PPP3CB: variants seen among roughly 807,000 people sequenced by gnomAD.
PPP3CB encodes the protein serine/threonine-protein phosphatase 2B catalytic subunit beta isoform.
PPP3CB carries 8 observed loss-of-function variants against 66.4 expected under a neutral mutation model. The ratio of observed to expected loss-of-function variants is 0.12; its 90% confidence interval spans 0.07 to 0.22. The LOEUF is 0.22. Ranked by LOEUF, PPP3CB falls within the 10% of genes least tolerant of loss-of-function variation. PPP3CB has a pLI of 1.00. For synonymous variants in PPP3CB, 208 were observed against 221.2 expected (o/e 0.94, Z 0.53); for missense variants, 319 against 642.5 (o/e 0.50, Z 5.44).
chr10:73,465,538 T>C (rs1037254464), intron 9 of PPP3CB, among the ~76,000 whole-genome samples: 9 of 152,098 alleles, frequency 5.9e-5, no homozygotes, highest in Non-Finnish European at 1.0e-4. Flanking sequence ...CTCTAGTCTG[T>C]GTGACAGAGC....
chr10:73,485,428 A>G (rs1019310190), intron 1 of PPP3CB, among the ~76,000 whole-genome samples: 10 of 152,300 alleles, frequency 6.6e-5, no homozygotes, highest in Non-Finnish European at 8.8e-5. Context: ...ATTCTAAGCA[A>G]GGACTGCCCT....
At chr10:73,457,352 C>T (rs372358905) in intron 9 of PPP3CB, among the ~76,000 whole-genome samples, 1 of 148,832 alleles carries the variant, frequency 6.7e-6, no homozygotes, top group Non-Finnish European at 1.5e-5. Context: ...GGTAAGACTG[C>T]CTGAGTCCAG....
intron 10 of PPP3CB, among the ~76,000 whole-genome samples, chr10:73,450,598 A>C (rs2056328717): frequency 6.6e-6 from 1 of 152,206 alleles, no homozygotes; most frequent in South Asian, 2.1e-4. Flanking sequence ...GAAAACAATG[A>C]AGAGTAATTG....
intron 9 of PPP3CB, among the ~76,000 whole-genome samples, chr10:73,459,011 G>A (rs372858328): frequency 2.3e-4 from 35 of 151,232 alleles, no homozygotes; most frequent in Middle Eastern, 3.5e-3. Flanking sequence ...CAGAGGTTGC[G>A]GTGAGCCGAG....
chr10:73,489,200 A>G (rs939689266), intron 1 of PPP3CB, among the ~76,000 whole-genome samples: 1 of 152,050 alleles, frequency 6.6e-6, no homozygotes, highest in Non-Finnish European at 1.5e-5. Flanking sequence ...CACTCATCCA[A>G]TATACTTACC....
At chr10:73,495,577 C>A in intron 1 of PPP3CB, 1 of 452,476 alleles carries the variant, frequency 2.2e-6, no homozygotes, top group Non-Finnish European at 3.5e-6. Context: ...TAGGAAGCCA[C>A]GGAAGCAAAA....
rs1377019190 is a variant in PPP3CB, at chr10:73,476,323, G to A, written c.412-1293C>T. Among the ~76,000 whole-genome samples the A allele has an allele frequency of 3.9e-5, 6 of 152,042 alleles. No homozygotes were observed. In the East Asian group the frequency reaches 1.2e-3, roughly 29 times the overall value. The stretch of plus-strand genomic sequence containing the variant: ...TTTTATAACAACAAAATGTATTAAA[G>A]GAGTCAGCTACATCCAGGCGCAGTG... On this transcript the variant is annotated intron_variant, in intron 3 of 13. Coordinates refer to ENST00000360663, the MANE Select transcript of PPP3CB (RefSeq NM_021132.4).
chr10:73,458,707 T>G (rs1462418045), intron 9 of PPP3CB, among the ~76,000 whole-genome samples: 8 of 150,614 alleles, frequency 5.3e-5, no homozygotes, highest in Non-Finnish European at 1.2e-4. Flanking sequence ...TATATTAAAA[T>G]GTATATTTAT....
At chr10:73,494,453 A>G (rs1184150761) in intron 1 of PPP3CB, among the ~76,000 whole-genome samples, 1 of 151,888 alleles carries the variant, frequency 6.6e-6, no homozygotes, top group Non-Finnish European at 1.5e-5. Context: ...ATGCCCGGCT[A>G]ATTTTTATTT....
chr10:73,495,746 C>T, intron 1 of PPP3CB, 59 bp downstream of exon 1: 1 of 1,534,006 alleles, frequency 6.5e-7, no homozygotes, highest in East Asian at 2.8e-5. Context: ...GTCTCCCGCC[C>T]GCCCTCACAC....
intron 9 of PPP3CB, among the ~76,000 whole-genome samples, chr10:73,459,798 A>T (rs906893744): frequency 6.6e-6 from 1 of 152,152 alleles, no homozygotes; most frequent in Non-Finnish European, 1.5e-5. Context: ...AGGGTTAGCA[A>T]GGGGGGTTAG....
At chr10:73,494,430 G>A (rs1020392240) in intron 1 of PPP3CB, among the ~76,000 whole-genome samples, 3 of 152,094 alleles carry the variant, frequency 2.0e-5, no homozygotes, top group African/African-American at 4.8e-5. Flanking sequence ...TGGGACTACA[G>A]GGGCGCGCCA....
At chr10:73,490,763 C>T (rs1045132752) in intron 1 of PPP3CB, among the ~76,000 whole-genome samples, 2 of 152,132 alleles carry the variant, frequency 1.3e-5, no homozygotes, top group African/African-American at 2.4e-5. Context: ...TCCCCTCACA[C>T]TCTTTTTCTC....
At position 73,494,292 on chromosome 10, in the gene PPP3CB, G is replaced by C. The variant is rs148101640; in HGVS notation, c.85+1513C>G. Among the ~76,000 whole-genome samples, 114 of 151,904 alleles carry C rather than the reference G, an allele frequency of 7.5e-4. 1 individual carries two copies. Among genetic ancestry groups the C allele is most frequent in the African/African-American group, 2.3e-3 (96 of 41,396 alleles). On this transcript the variant is annotated intron_variant, in intron 1 of 13. Transcript: ENST00000360663. ...AAATCAGTGTTTTGTTTTTGTTTTT[G>C]TTTTTGTTTTTGGAGACAGGGTCTG...
intron 9 of PPP3CB, among the ~76,000 whole-genome samples, chr10:73,457,339 T>C (rs2056445069): frequency 7.1e-6 from 1 of 140,440 alleles, no homozygotes; most frequent in Non-Finnish European, 1.5e-5. Flanking sequence ...TGGAAGGCCA[T>C]GCGGTAAGAC....
intron 9 of PPP3CB, 113 bp downstream of exon 9, chr10:73,467,439 TA>T (rs2056635602): frequency 1.2e-6 from 1 of 828,528 alleles, no homozygotes; most frequent in Admixed American, 3.7e-5. Context: ...AGGAGAGCTG[TA>T]ACCACAGTGA....
intron 9 of PPP3CB, chr10:73,467,282 A>AAG: frequency 5.1e-6 from 1 of 194,468 alleles, no homozygotes; most frequent in African/African-American, 2.3e-5. Context: ...ATTTAAGCTA[A>AAG]AGAAAAAAAA....
intron 10 of PPP3CB, among the ~76,000 whole-genome samples, chr10:73,446,786 T>C (rs939424107): frequency 6.6e-6 from 1 of 152,032 alleles, no homozygotes; most frequent in Admixed American, 6.6e-5. Context: ...CTGATAAATA[T>C]AGAAATAAAA....
At chr10:73,454,995 C>T (rs1295604638) in intron 9 of PPP3CB, among the ~76,000 whole-genome samples, 1 of 151,788 alleles carries the variant, frequency 6.6e-6, no homozygotes, top group African/African-American at 2.4e-5. Context: ...GCCTCAGCCT[C>T]CCAAGGAGCT....
Sources: gnomAD v4.1 joint callset for allele counts (sites outside exome capture counted in the v4.1 genomes callset) on GRCh38, gnomAD v4.1.1 for gene constraint, MANE v1.5 for transcripts, NCBI Gene and HGNC (gene_info 2026-07-23, HGNC 2026-07-21) for gene names.